The following XRCC5 variants were observed in gnomAD, a reference collection of about 807,000 sequenced individuals.
The protein encoded by XRCC5 is DNA repair protein Ku80.
Under a neutral mutation model 95.7 loss-of-function variants are expected in XRCC5, and 12 were observed. The ratio of observed to expected loss-of-function variants is 0.13; its 90% confidence interval spans 0.08 to 0.20. The LOEUF (loss-of-function observed/expected upper bound fraction) is 0.20, where lower values mean the gene tolerates loss of function less well. Ranked by LOEUF, XRCC5 falls within the 10% of genes least tolerant of loss-of-function variation. XRCC5 has a pLI of 1.00. For synonymous variants in XRCC5, 281 were observed against 290.3 expected, an observed-to-expected ratio of 0.97 and a Z score of 0.33; for missense variants, 595 against 873.9, an observed-to-expected ratio of 0.68 and a Z score of 4.02.
chr2:216,148,766 G>T (rs1055659049), intron 14 of XRCC5, among the ~76,000 whole-genome samples: 1 of 152,104 alleles, frequency 6.6e-6, no homozygotes, highest in Non-Finnish European at 1.5e-5. Context: ...GATGTATTTG[G>T]TTGTGCTATT....
chr2:216,200,046 A>G (rs551314492), intron 19 of XRCC5, among the ~76,000 whole-genome samples: 164 of 152,210 alleles, frequency 1.1e-3, no homozygotes, highest in South Asian at 2.5e-3. Context: ...CCATTTTACC[A>G]ACACCCCTGT....
intron 12 of XRCC5, among the ~76,000 whole-genome samples, chr2:216,139,290 G>C (rs931246805): frequency 1.4e-5 from 2 of 147,652 alleles, no homozygotes; most frequent in Admixed American, 6.7e-5. Flanking sequence ...CCGAGACTGG[G>C]AAGAAAAAGA....
intron 15 of XRCC5, among the ~76,000 whole-genome samples, chr2:216,160,810 C>G (rs1688938412): frequency 6.6e-6 from 1 of 152,074 alleles, no homozygotes; most frequent in Admixed American, 6.6e-5. Context: ...GCCTTGAAAT[C>G]CTGAGCTCAA....
chr2:216,148,736 C>T (rs972789512), intron 14 of XRCC5, among the ~76,000 whole-genome samples: 3 of 151,942 alleles, frequency 2.0e-5, no homozygotes, highest in Admixed American at 6.6e-5. Flanking sequence ...ATTCTTCAGC[C>T]GTTCTATTAG....
chr2:216,175,837 A>G (rs755954857), intron 16 of XRCC5: 11 of 433,996 alleles, frequency 2.5e-5, no homozygotes, highest in East Asian at 1.3e-4. Context: ...TTACCACACA[A>G]TCTGTGAGTG....
At chr2:216,135,600 C>G (rs940178478) in intron 10 of XRCC5, among the ~76,000 whole-genome samples, 4 of 152,122 alleles carry the variant, frequency 2.6e-5, no homozygotes, top group African/African-American at 9.7e-5. Context: ...GAGTTCGAGA[C>G]CAGTCTGGGC....
rs201797099 is a variant in XRCC5, at chr2:216,136,993, TAGAA to T, written c.1114-88_1114-85del. ...AGGGGGCACCCTAAAAAATGTAAAA[TAGAA>T]AGAAAGTGATAACAGTCTTAAAGTA... is the stretch of plus-strand genomic sequence containing the variant. On this transcript the variant is annotated intron_variant, in intron 10 of 20. Coordinates refer to ENST00000392132, the MANE Select transcript of XRCC5 (RefSeq NM_021141.4). 1.1e-4 allele frequency: 152 copies of T among 1,417,964 alleles called. No individual in the cohort carries two copies. The East Asian group carries it at 2.7e-3, about 26-fold the overall frequency. The allele number at this position is 1,417,964 out of a possible 1,614,324, so 87.8% of individuals were successfully genotyped here.
intron 20 of XRCC5, 49 bp from the exon 21 acceptor site, chr2:216,205,139 G>T: frequency 6.2e-7 from 1 of 1,611,054 alleles, no homozygotes; most frequent in Non-Finnish European, 8.5e-7. Flanking sequence ...AGAAGCAGTG[G>T]TATGAAATTG....
At chr2:216,146,608 C>T (rs1688638643) in intron 13 of XRCC5, among the ~76,000 whole-genome samples, 1 of 152,162 alleles carries the variant, frequency 6.6e-6, no homozygotes, top group Non-Finnish European at 1.5e-5. Flanking sequence ...CTGATAGTTT[C>T]ATTTCTTTCT....
intron 16 of XRCC5, among the ~76,000 whole-genome samples, chr2:216,165,423 A>G (rs1045399632): frequency 1.3e-5 from 2 of 152,318 alleles, no homozygotes; most frequent in East Asian, 1.9e-4. Context: ...GCTGTCGGAA[A>G]ATGGATTGCT....
chr2:216,204,238 G>A (rs1366826836), intron 19 of XRCC5, 84 bp from the exon 20 acceptor site: 8 of 1,511,434 alleles, frequency 5.3e-6, no homozygotes, highest in Non-Finnish European at 7.3e-6. Context: ...CTTAGGTTTT[G>A]CTGTGGCAAT....
intron 6 of XRCC5, among the ~76,000 whole-genome samples, chr2:216,123,842 C>G (rs983827149): frequency 2.0e-5 from 3 of 152,112 alleles, no homozygotes; most frequent in Non-Finnish European, 4.4e-5. Flanking sequence ...ATATAGATTA[C>G]TCTTTAAAAA....
intron 16 of XRCC5, among the ~76,000 whole-genome samples, chr2:216,182,457 A>G (rs1184562794): frequency 6.6e-6 from 1 of 152,154 alleles, no homozygotes; most frequent in African/African-American, 2.4e-5. Flanking sequence ...CTCATTTGGA[A>G]TGGAATCAAG....
chr2:216,121,973 A>C, intron 5 of XRCC5, 89 bp from the exon 6 acceptor site: 1 of 1,204,534 alleles, frequency 8.3e-7, no homozygotes, highest in Non-Finnish European at 1.1e-6. Flanking sequence ...TGAAACTTGA[A>C]AAGGTTGACT....
intron 16 of XRCC5, among the ~76,000 whole-genome samples, chr2:216,167,894 A>G (rs1269863779): frequency 1.3e-5 from 2 of 152,156 alleles, no homozygotes; most frequent in Admixed American, 6.5e-5. Flanking sequence ...TGATACATCT[A>G]ATCATGAGAA....
intron 16 of XRCC5, among the ~76,000 whole-genome samples, chr2:216,186,745 A>G (rs1689499435): frequency 6.6e-6 from 1 of 152,214 alleles, no homozygotes; most frequent in Non-Finnish European, 1.5e-5. Flanking sequence ...GCTGTGATTT[A>G]CTGAGTTTGA....
At chr2:216,169,268 C>T (rs931075144) in intron 16 of XRCC5, among the ~76,000 whole-genome samples, 1 of 152,212 alleles carries the variant, frequency 6.6e-6, no homozygotes, top group Non-Finnish European at 1.5e-5. Flanking sequence ...ACGTAATACC[C>T]ATGTTCACCT....
At chr2:216,118,418 C>G (rs1559237269) in intron 4 of XRCC5, among the ~76,000 whole-genome samples, 1 of 152,132 alleles carries the variant, frequency 6.6e-6, no homozygotes, top group Non-Finnish European at 1.5e-5. Flanking sequence ...TTCAAGCAGT[C>G]CTCCTATCTT....
At chr2:216,196,830 T>G (rs927329984) in intron 19 of XRCC5, among the ~76,000 whole-genome samples, 1 of 152,208 alleles carries the variant, frequency 6.6e-6, no homozygotes, top group Non-Finnish European at 1.5e-5. Flanking sequence ...GAGTAGTGTT[T>G]GATGGAACAA....
Sources: gnomAD v4.1 joint callset for allele counts (sites outside exome capture counted in the v4.1 genomes callset) on GRCh38, gnomAD v4.1.1 for gene constraint, MANE v1.5 for transcripts, NCBI Gene and HGNC (gene_info 2026-07-23, HGNC 2026-07-21) for gene names.